The following POGLUT1 variants were observed in gnomAD, a reference collection of about 807,000 sequenced individuals.
POGLUT1 encodes the protein protein O-glucosyltransferase 1.
POGLUT1 carries 32 observed loss-of-function variants against 61.3 expected under a neutral mutation model. The observed-to-expected ratio is 0.52, with a 90% CI of 0.39 to 0.70. The LOEUF (loss-of-function observed/expected upper bound fraction) is 0.70, where lower values mean the gene tolerates loss of function less well. Among genes scored for constraint, POGLUT1 ranks in the 30% least tolerant of loss-of-function variants. The pLI, the probability that POGLUT1 is intolerant of heterozygous loss-of-function variation, is 0.00. For synonymous variants in POGLUT1, 158 were observed against 158.2 expected (o/e 1.00, Z 0.01); for missense variants, 411 against 469.8 (o/e 0.87, Z 1.16).
At chr3:119,481,414 AAC>A (rs1231787355) in intron 5 of POGLUT1, among the ~76,000 whole-genome samples, 1 of 152,200 alleles carries the variant, frequency 6.6e-6, no homozygotes, top group Non-Finnish European at 1.5e-5. Context: ...AACTTCCGGA[AAC>A]ACAGTCATTA....
intron 5 of POGLUT1, among the ~76,000 whole-genome samples, chr3:119,481,949 G>A (rs1332368774): frequency 6.6e-6 from 1 of 151,976 alleles, no homozygotes; most frequent in Non-Finnish European, 1.5e-5. Context: ...AAAATTTTTT[G>A]TAGAGACAGG....
intron 5 of POGLUT1, among the ~76,000 whole-genome samples, chr3:119,482,913 G>A (rs1053089333): frequency 6.6e-6 from 1 of 152,190 alleles, no homozygotes; most frequent in Non-Finnish European, 1.5e-5. Context: ...GGTGGCCACC[G>A]TTAGCACTTG....
chr3:119,485,243 T>C, intron 5 of POGLUT1, 85 bp from the exon 6 acceptor site: 4 of 863,678 alleles, frequency 4.6e-6, no homozygotes, highest in Non-Finnish European at 7.5e-6. Flanking sequence ...TATGAAGCTC[T>C]GAACTAATCT....
chr3:119,488,302 C>T (rs1053124929), intron 7 of POGLUT1: 1 of 152,092 alleles, frequency 6.6e-6, no homozygotes, highest in Admixed American at 6.5e-5. Flanking sequence ...ATGGAATGTA[C>T]CTGGGGATGT....
At position 119,493,803 on chromosome 3, in the gene POGLUT1, A is replaced by T. The variant is rs1434138976; in HGVS notation, c.*1365A>T. ...GGAATAAGCAGATGTTTAAAGTTGG[A>T]TTTTTTTTTTTTTTTTTTTTTGAGT... On this transcript the variant is annotated 3_prime_UTR_variant, in exon 11 of 11. Coordinates refer to ENST00000295588, the MANE Select transcript of POGLUT1 (RefSeq NM_152305.3). 1.6e-4 allele frequency: 19 copies of T among 119,886 alleles called. No individual in the cohort carries two copies. The highest frequency in any genetic ancestry group is 2.7e-4 in the South Asian group (1 of 3,698). The allele number at this position is 119,886 out of a possible 1,614,324, so 7.4% of individuals were successfully genotyped here. A position where few individuals can be genotyped will look rare whatever the true frequency, so the allele number is the denominator to read the frequency against.
intron 3 of POGLUT1, among the ~76,000 whole-genome samples, chr3:119,472,311 TA>T (rs1337167556): frequency 2.6e-5 from 4 of 152,278 alleles, no homozygotes; most frequent in African/African-American, 9.6e-5. Context: ...ATTCTGTCAT[TA>T]AAAGTGAAAT....
intron 6 of POGLUT1, among the ~76,000 whole-genome samples, chr3:119,486,512 A>G (rs1024086528): frequency 1.3e-5 from 2 of 152,180 alleles, no homozygotes; most frequent in African/African-American, 2.4e-5. Context: ...CAGTGATTAT[A>G]GAAGCCACAT....
chr3:119,470,201 C>T (rs111783913), intron 2 of POGLUT1, among the ~76,000 whole-genome samples: 4 of 152,276 alleles, frequency 2.6e-5, no homozygotes, highest in East Asian at 1.9e-4. Context: ...GCTGTCAGTG[C>T]GTGCTCGATA....
intron 8 of POGLUT1, 83 bp from the exon 9 acceptor site, chr3:119,490,468 G>A: frequency 8.9e-7 from 1 of 1,125,476 alleles, no homozygotes; most frequent in Admixed American, 1.8e-5. Context: ...AAGGAAAGAA[G>A]GGGAGGGGAG....
At chr3:119,480,938 C>T (rs1178105089) in intron 5 of POGLUT1, among the ~76,000 whole-genome samples, 22 of 151,884 alleles carry the variant, frequency 1.4e-4, no homozygotes, top group Admixed American at 1.3e-3. Flanking sequence ...TGTGGTTTTG[C>T]CATGTTGCCC....
intron 3 of POGLUT1, 179 bp downstream of exon 3, chr3:119,471,631 A>G (rs935797210): frequency 1.7e-6 from 1 of 598,412 alleles, no homozygotes; most frequent in Admixed American, 2.8e-5. Context: ...AGCTCCTCTC[A>G]AAGCCTGTCT....
At chr3:119,479,901 T>A in intron 4 of POGLUT1, 150 bp from the exon 5 acceptor site, 1 of 1,518,596 alleles carries the variant, frequency 6.6e-7, no homozygotes. Context: ...CCTTTTAATG[T>A]CTACAGGCTA....
chr3:119,479,063 A>G (rs1360044318), intron 4 of POGLUT1, among the ~76,000 whole-genome samples: 1 of 152,082 alleles, frequency 6.6e-6, no homozygotes, highest in South Asian at 2.1e-4. Context: ...ATCTGGGACT[A>G]TAGGCACCTG....
intron 10 of POGLUT1, among the ~76,000 whole-genome samples, chr3:119,491,823 G>A (rs1431740314): frequency 2.6e-5 from 4 of 152,200 alleles, no homozygotes; most frequent in Non-Finnish European, 5.9e-5. Flanking sequence ...GGAAGGCCGA[G>A]GTGGGCGGAT....
At chr3:119,481,077 T>A (rs1389071588) in intron 5 of POGLUT1, among the ~76,000 whole-genome samples, 3 of 152,092 alleles carry the variant, frequency 2.0e-5, no homozygotes, top group Non-Finnish European at 4.4e-5. Flanking sequence ...ATTCTTTAAA[T>A]AAGAGTGCAT....
intron 8 of POGLUT1, chr3:119,489,994 G>T (rs186168365): frequency 3.9e-5 from 6 of 153,326 alleles, no homozygotes; most frequent in African/African-American, 1.4e-4. Flanking sequence ...CCATGAAACT[G>T]GTCCCTGGTG....
At position 119,492,493 on chromosome 3, in the gene POGLUT1, G is replaced by T; in HGVS notation, c.*55G>T. On this transcript the variant is annotated 3_prime_UTR_variant, in exon 11 of 11. Transcript: ENST00000295588. ...TGGCAACAGATCTCAGATATCCTAC[G>T]GTGAGAAGCTTACCATAAGCTTGGC... The T allele has an allele frequency of 8.2e-7, 1 of 1,219,162 alleles. No individual in the cohort carries two copies. The highest frequency in any genetic ancestry group is 1.5e-5 in the African/African-American group (1 of 65,574). 75.5% of individuals were successfully genotyped at this position (1,219,162 alleles called of 1,614,324 possible). A position where few individuals can be genotyped will look rare whatever the true frequency, so the allele number is the denominator to read the frequency against.
At chr3:119,490,303 G>C (rs556319923) in intron 8 of POGLUT1, 6 of 495,514 alleles carry the variant, frequency 1.2e-5, no homozygotes, top group South Asian at 2.3e-5. Context: ...ATCTAGTGCT[G>C]TCTGGAGAAA....
In POGLUT1 at chr3:119,482,839, G is replaced by A. The variant is rs535003838; in HGVS notation, c.579-2489G>A. On this transcript the variant is annotated intron_variant, in intron 5 of 10. Coordinates refer to ENST00000295588, the MANE Select transcript of POGLUT1 (RefSeq NM_152305.3). The stretch of plus-strand genomic sequence containing the variant: ...AAGAATTCATTGTTCTTTACAGATC[G>A]AAGATTTCATTTGTTACTGTCAGAG... 7.8e-4 allele frequency among the ~76,000 whole-genome samples: 118 copies of A among 152,218 alleles called. 4 individuals are homozygous for A. The South Asian group carries it at 0.024, about 31-fold the overall frequency.
Sources: allele counts gnomAD v4.1 joint callset (sites outside exome capture counted in the v4.1 genomes callset), GRCh38; gene constraint gnomAD v4.1.1; transcripts MANE v1.5; gene names NCBI Gene and HGNC (gene_info 2026-07-23, HGNC 2026-07-21).